Variants in CTNNA2 observed in about 807,000 individuals in gnomAD.
The protein encoded by CTNNA2 is catenin alpha 2.
A neutral mutation model predicts 101.0 loss-of-function variants in CTNNA2; 42 were observed. That is an observed-to-expected ratio of 0.42 (90% CI 0.32 to 0.54). The LOEUF (loss-of-function observed/expected upper bound fraction) is 0.54, where lower values mean the gene tolerates loss of function less well. CTNNA2 is among the 20% of genes least tolerant of loss of function. The pLI is 0.14. For synonymous variants in CTNNA2, 450 were observed against 456.4 expected (o/e 0.99, Z 0.18); for missense variants, 871 against 1,223.1 (o/e 0.71, Z 4.29).
At chr2:79,598,368 T>G (rs1338482295) in intron 1 of CTNNA2, among the ~76,000 whole-genome samples, 2 of 152,212 alleles carry the variant, frequency 1.3e-5, no homozygotes, top group Non-Finnish European at 2.9e-5. Context: ...GTATGTTTAG[T>G]GTTGTAAGAA....
intron 3 of CTNNA2, among the ~76,000 whole-genome samples, chr2:79,751,046 A>G (rs2105028518): frequency 6.6e-6 from 1 of 152,300 alleles, no homozygotes; most frequent in African/African-American, 2.4e-5. Flanking sequence ...TGTATAGGGC[A>G]GTTAAATATT....
intron 3 of CTNNA2, among the ~76,000 whole-genome samples, chr2:79,762,781 G>A (rs1221062729): frequency 6.6e-6 from 1 of 152,196 alleles, no homozygotes; most frequent in Non-Finnish European, 1.5e-5. Context: ...TCTAAAATGT[G>A]CAATAGTATG....
intron 12 of CTNNA2, among the ~76,000 whole-genome samples, chr2:80,560,496 A>G (rs1038875073): frequency 5.3e-5 from 8 of 152,076 alleles, no homozygotes; most frequent in African/African-American, 1.9e-4. Context: ...GTCGGTATTA[A>G]TTGCGTAATA....
At chr2:80,134,587 A>T (rs1377041184) in intron 7 of CTNNA2, among the ~76,000 whole-genome samples, 5 of 152,154 alleles carry the variant, frequency 3.3e-5, no homozygotes, top group Non-Finnish European at 1.5e-5. Flanking sequence ...GGCAAATGGA[A>T]TTAAGGCACA....
intron 7 of CTNNA2, among the ~76,000 whole-genome samples, chr2:80,284,933 AG>A (rs1265546885): frequency 6.6e-6 from 1 of 152,144 alleles, no homozygotes; most frequent in Non-Finnish European, 1.5e-5. Context: ...AGCACAGTGG[AG>A]TCTCTTTCCA....
chr2:79,240,332 A>G (rs1345655235), intron 2 of CTNNA2, among the ~76,000 whole-genome samples: 1 of 152,046 alleles, frequency 6.6e-6, no homozygotes, highest in Non-Finnish European at 1.5e-5. Context: ...TAGTAAGCAT[A>G]GTACCTGACA....
rs10712007 is a variant in CTNNA2, at chr2:80,475,911, TA to T, written c.1290+56320del. Among the ~76,000 whole-genome samples, 1,150 of 150,236 alleles carry T rather than the reference TA, an allele frequency of 7.7e-3. 3 individuals carry two copies. Among genetic ancestry groups the T allele is most frequent in the Middle Eastern group, 0.02 (6 of 294 alleles). ...AAAAAATAATGGCTTGTGCTTTTCT[TA>T]AAAAAAAAATCAATTCTGGCAATCT... On this transcript the variant is annotated intron_variant, in intron 9 of 18. Transcript: ENST00000402739.
At chr2:80,093,954 T>C (rs906628514) in intron 7 of CTNNA2, among the ~76,000 whole-genome samples, 3 of 152,018 alleles carry the variant, frequency 2.0e-5, no homozygotes, top group African/African-American at 7.2e-5. Flanking sequence ...ATTCTGTAGG[T>C]TGCCTGTTCA....
At chr2:79,251,483 T>G (rs1020564967) in intron 2 of CTNNA2, among the ~76,000 whole-genome samples, 2 of 152,186 alleles carry the variant, frequency 1.3e-5, no homozygotes, top group African/African-American at 4.8e-5. Context: ...CTGGATTCAG[T>G]AACTCACTTC....
chr2:79,372,607 C>T (rs1323164165), intron 3 of CTNNA2, among the ~76,000 whole-genome samples: 2 of 151,954 alleles, frequency 1.3e-5, no homozygotes, highest in African/African-American at 2.4e-5. Flanking sequence ...TAGAATATGA[C>T]AAAGAAGAGA....
At chr2:79,921,393 C>T (rs1437536436) in intron 7 of CTNNA2, among the ~76,000 whole-genome samples, 1 of 152,100 alleles carries the variant, frequency 6.6e-6, no homozygotes, top group African/African-American at 2.4e-5. Context: ...ATTAGTCAGC[C>T]TAGACATTCA....
rs150843139 is a variant in CTNNA2, at chr2:79,236,833, T to C, written c.-406+38757T>C. ...ATGAGATTGCAATAATTCAATCACATCTTCAGGCTCCATTTTTAATTATAG... is the reference window on the plus strand; with the variant it reads ...ATGAGATTGCAATAATTCAATCACACCTTCAGGCTCCATTTTTAATTATAG... On this transcript the variant is annotated intron_variant, in intron 2 of 21. Coordinates refer to the CTNNA2 transcript ENST00000466387. 4.6e-5 allele frequency among the ~76,000 whole-genome samples: 7 copies of C among 152,288 alleles called. No individual in the cohort carries two copies. In the East Asian group the frequency reaches 1.2e-3, roughly 25 times the overall value.
intron 7 of CTNNA2, among the ~76,000 whole-genome samples, chr2:79,983,365 A>G (rs1422669571): frequency 6.6e-6 from 1 of 152,090 alleles, no homozygotes; most frequent in Non-Finnish European, 1.5e-5. Flanking sequence ...CACAATAAAT[A>G]CATAGAAAAA....
At chr2:80,502,358 T>C (rs1039254465) in intron 9 of CTNNA2, among the ~76,000 whole-genome samples, 3 of 152,206 alleles carry the variant, frequency 2.0e-5, no homozygotes, top group African/African-American at 7.2e-5. Flanking sequence ...TATGCTTATT[T>C]GTGGAAACAG....
At chr2:79,745,357 G>A (rs375997520) in intron 3 of CTNNA2, among the ~76,000 whole-genome samples, 144 of 152,106 alleles carry the variant, frequency 9.5e-4, no homozygotes, top group African/African-American at 3.4e-3. Flanking sequence ...CTAGAACCCG[G>A]GAGGCGGAGG....
At chr2:79,445,781 T>C (rs1189674243) in intron 4 of CTNNA2, among the ~76,000 whole-genome samples, 1 of 152,114 alleles carries the variant, frequency 6.6e-6, no homozygotes, top group Admixed American at 6.6e-5. Flanking sequence ...GCAGATAATA[T>C]AAAGAGTTTA....
upstream of CTNNA2, chr2:79,512,850 G>A (rs1269446539): frequency 2.0e-5 from 3 of 151,434 alleles, no homozygotes; most frequent in Non-Finnish European, 2.9e-5. Context: ...GATGCCCGGT[G>A]CCTTTCCAGG....
In CTNNA2 at chr2:79,942,046, G is replaced by A. The variant is rs1168145246; in HGVS notation, c.1056+32249G>A. On this transcript the variant is annotated intron_variant, in intron 7 of 18. Transcript: ENST00000402739. ...TTGGCATAAGGTCTAAGCATAAGTC[G>A]TTTATGGCATAAGCTCCAGGCATAA... 3.3e-5 allele frequency among the ~76,000 whole-genome samples: 5 copies of A among 152,156 alleles called. No homozygotes were observed. The South Asian group carries it at 6.2e-4, about 19-fold the overall frequency.
chr2:80,428,502 G>A (rs1250451824), intron 9 of CTNNA2, among the ~76,000 whole-genome samples: 1 of 152,114 alleles, frequency 6.6e-6, no homozygotes, highest in Admixed American at 6.6e-5. Context: ...TTGGATGTTG[G>A]GATGTGTGAG....
Sources: gnomAD v4.1 joint callset for allele counts (sites outside exome capture counted in the v4.1 genomes callset) on GRCh38, gnomAD v4.1.1 for gene constraint, MANE v1.5 for transcripts, NCBI Gene and HGNC (gene_info 2026-07-23, HGNC 2026-07-21) for gene names.